Variants in NEB observed in about 807,000 individuals in gnomAD.
NEB encodes the protein nemaline myopathy type 2.
Under a neutral mutation model 952.2 loss-of-function variants are expected in NEB, and 512 were observed. The ratio of observed to expected loss-of-function variants is 0.54; its 90% confidence interval spans 0.50 to 0.58. The LOEUF (loss-of-function observed/expected upper bound fraction) is 0.58. Ranked by LOEUF, NEB falls within the 20% of genes least tolerant of loss-of-function variation. The pLI is 0.00. For synonymous variants in NEB, 2,900 were observed against 3,149.8 expected (o/e 0.92, Z 2.66); for missense variants, 8,428 against 9,231.1 (o/e 0.91, Z 3.56).
In NEB at chr2:151,655,369, T is replaced by C. The variant is rs2099076283; in HGVS notation, c.6708A>G (p.Leu2236=). ...TATCTTTATTCCAATCAATGGTGTA[T>C]AAATGCTAGGAAGTGGGAAAAAAAG... is the stretch of plus-strand genomic sequence containing the variant. ...KQNAHTMNKH[L]YTIDWNKDKT... The change falls in exon 51 of 182, where the codon TTA becomes TTG. Residue 2236 remains leucine, a synonymous_variant. Transcript: ENST00000397345. The C allele has an allele frequency of 1.9e-6, 3 of 1,555,440 alleles. 1 individual carries two copies.
At chr2:151,655,412 C>T in intron 50 of NEB, 38 bp from the exon 51 acceptor site, 1 of 1,227,804 alleles carries the variant, frequency 8.1e-7, no homozygotes, top group Middle Eastern at 1.9e-4. Flanking sequence ...ATTTGAATAA[C>T]TGGGACAAGC....
At chr2:151,491,417 A>C in intron 179 of NEB, 1 of 335,338 alleles carries the variant, frequency 3.0e-6, no homozygotes, top group East Asian at 6.2e-5. Flanking sequence ...CAATAGAATT[A>C]CTACTGTTTT....
chr2:151,544,460 G>A (rs2094463617), intron 135 of NEB, among the ~76,000 whole-genome samples: 1 of 152,130 alleles, frequency 6.6e-6, no homozygotes, highest in African/African-American at 2.4e-5. Flanking sequence ...GAATCAGTCT[G>A]GTGTGGAACA....
intron 10 of NEB, 62 bp downstream of exon 10, chr2:151,717,354 G>T: frequency 1.7e-6 from 2 of 1,158,928 alleles, no homozygotes; most frequent in Non-Finnish European, 2.6e-6. Context: ...AACCCTCTCT[G>T]ATGGTTGAAA....
In NEB at chr2:151,658,090, T is replaced by G. The variant is rs1338846666; in HGVS notation, c.6076A>C (p.Lys2026Gln). The G allele has an allele frequency of 4.4e-6, 7 of 1,580,192 alleles. No individual in the cohort carries two copies. Among genetic ancestry groups the G allele is most frequent in the Non-Finnish European group, 5.2e-6 (6 of 1,154,154 alleles). The change falls in exon 48 of 182, where the codon AAA becomes CAA. Residue 2026 changes from lysine to glutamine, a missense_variant and splice_region_variant. By Grantham distance (53) the Lys-to-Gln change is moderately conservative. Around this residue, in one of 11 missense-constraint regions of NEB, gnomAD observed 2,851 missense variants for 2,791.5 expected, o/e 1.02. Coordinates refer to ENST00000397345, the MANE Select transcript of NEB (RefSeq NM_001164508.2). ...AKANAINMSD[K>Q]LYKLSLEESK... ...TCTTCCAAGGAAAGTTTGTAGAGTT[T>G]CTGTAAAGAGAGGCAAAGGGAAGAG...
At chr2:151,578,404 T>TG (rs1322405708) in intron 105 of NEB, among the ~76,000 whole-genome samples, 2 of 151,226 alleles carry the variant, frequency 1.3e-5, no homozygotes, top group African/African-American at 4.8e-5. Context: ...TTTAAGAAAC[T>TG]GCCCCAGCAC....
At position 151,666,094 on chromosome 2, in the gene NEB, C is replaced by G. The variant is rs1444664935; in HGVS notation, c.5027G>C (p.Ser1676Thr). Reference sequence around the variant, plus strand: ...AACTTGGTAACCAGTACATACATCACTCTGAATCTGCATGGCATTCCTGGA... The same window carrying G: ...AACTTGGTAACCAGTACATACATCAGTCTGAATCTGCATGGCATTCCTGGA... The part of the protein sequence containing the change: ...EHSRNAMQIQ[S>T]DNLYKSDFTN... The change falls in exon 41 of 182, where the codon AGT (serine) becomes ACT (threonine). Residue 1676 changes from serine to threonine, a missense_variant. This residue lies in a region of NEB where 2,851 missense variants were observed against 2,791.5 expected (regional missense o/e 1.02). Transcript: ENST00000397345. The G allele has an allele frequency of 6.2e-7, 1 of 1,611,416 alleles. No individual in the cohort carries two copies. Among genetic ancestry groups the G allele is most frequent in the African/African-American group, 1.3e-5 (1 of 74,876 alleles).
intron 71 of NEB, among the ~76,000 whole-genome samples, chr2:151,624,033 GTTTGT>G (rs1458321211): frequency 6.6e-6 from 1 of 152,140 alleles, no homozygotes; most frequent in African/African-American, 2.4e-5. Context: ...AAACAGATGT[GTTTGT>G]TTTGTTTTAC....
intron 71 of NEB, among the ~76,000 whole-genome samples, chr2:151,625,239 G>A (rs1011004774): frequency 2.0e-5 from 3 of 152,106 alleles, no homozygotes; most frequent in African/African-American, 4.8e-5. Context: ...TGAATAGCAA[G>A]AATTATTTTT....
At chr2:151,713,676 G>A (rs1412177673) in intron 10 of NEB, among the ~76,000 whole-genome samples, 1 of 152,114 alleles carries the variant, frequency 6.6e-6, no homozygotes, top group Admixed American at 6.5e-5. Flanking sequence ...TCGCATTCAG[G>A]GCCCCACTTT....
chr2:151,691,954 T>C lies in NEB; in HGVS notation c.2121A>G (p.Ala707=), dbSNP rs775069171. 1 of 1,611,698 alleles carries C rather than the reference T, an allele frequency of 6.2e-7. No homozygotes were observed. The highest frequency in any genetic ancestry group is 1.1e-5 in the South Asian group (1 of 90,810). The stretch of plus-strand genomic sequence containing the variant: ...ATTTTCCTTTATCTTCTTCATATTC[T>C]GCTTTGTAACTTTTCTATAATGAGA... The part of the protein sequence containing the change: ...AAQNSDKSYK[A]EYEEDKGKCY... The change falls in exon 23 of 182, where the codon GCA becomes GCG. Residue 707 remains alanine (A), a synonymous_variant. Transcript: ENST00000397345.
At chr2:151,637,333 G>A (rs1378972888) in intron 63 of NEB, among the ~76,000 whole-genome samples, 1 of 152,176 alleles carries the variant, frequency 6.6e-6, no homozygotes, top group Non-Finnish European at 1.5e-5. Context: ...CGTGAATCAA[G>A]GCACCACTGT....
At chr2:151,523,610 T>G (rs182011733) in intron 153 of NEB, among the ~76,000 whole-genome samples, 1 of 152,362 alleles carries the variant, frequency 6.6e-6, no homozygotes, top group African/African-American at 2.4e-5. Context: ...AGCTAAAGTC[T>G]GAAAACCTGT....
Position 151,569,344 on chromosome 2 carries a change from A to G in NEB, c.17459T>C (p.Leu5820Ser). The G allele has an allele frequency of 1.9e-6, 3 of 1,613,930 alleles. No homozygotes were observed. The highest frequency in any genetic ancestry group is 2.5e-6 in the Non-Finnish European group (3 of 1,179,820). ...ATTTGGCATCCACCCAATTCCACGC[A>G]ACCATTCCAAGTCAGCCTTGTAAAC... ...DNVYKADLEW[L>S]RGIGWMPNDS... The change falls in exon 110 of 182, where the codon TTG becomes TCG. Residue 5820 changes from leucine to serine, a missense_variant. This residue lies in a region of NEB where 3,374 missense variants were observed against 3,651.5 expected (regional missense o/e 0.92). Transcript: ENST00000397345.
intron 181 of NEB, among the ~76,000 whole-genome samples, chr2:151,489,207 A>G (rs74886039): frequency 2.6e-5 from 4 of 152,222 alleles, no homozygotes; most frequent in Non-Finnish European, 1.5e-5. Flanking sequence ...TTGTCTTCAT[A>G]CAAAGATTGT....
chr2:151,625,762 A>AT, intron 70 of NEB, 124 bp from the exon 71 acceptor site: 1 of 534,374 alleles, frequency 1.9e-6, no homozygotes, highest in Non-Finnish European at 3.2e-6. Context: ...GTATGTTAAT[A>AT]TTCTTTTCAA....
chr2:151,511,039 GA>G (rs1325311781), intron 161 of NEB, among the ~76,000 whole-genome samples: 1 of 152,200 alleles, frequency 6.6e-6, no homozygotes, highest in African/African-American at 2.4e-5. Context: ...AGGCCTTGAG[GA>G]ACCAGCCAAA....
chr2:151,569,767 G>C (rs1045070047), intron 109 of NEB, among the ~76,000 whole-genome samples: 1 of 152,116 alleles, frequency 6.6e-6, no homozygotes, highest in Non-Finnish European at 1.5e-5. Flanking sequence ...CCTACATCCT[G>C]TCCATGGGCT....
In NEB at chr2:151,620,347, G is replaced by GTATATATATATATATA. The variant is rs71000481; in HGVS notation, c.10560+556_10560+571dup. Among the ~76,000 whole-genome samples, 7 of 48,458 alleles carry GTATATATATATATATA rather than the reference G, an allele frequency of 1.4e-4. 1 individual carries two copies. Among genetic ancestry groups the GTATATATATATATATA allele is most frequent in the African/African-American group, 2.3e-4 (3 of 12,876 alleles). The allele number at this position is 48,458 out of a possible 152,430, so 31.8% of individuals were successfully genotyped here. On this transcript the variant is annotated intron_variant, in intron 72 of 181. Coordinates refer to ENST00000397345, the MANE Select transcript of NEB (RefSeq NM_001164508.2). ...TTATTATATATATATGTATGTGTGT[G>GTATATATATATATATA]TATATATATATATATATATATATAT...
Sources: gnomAD v4.1 joint callset for allele counts (sites outside exome capture counted in the v4.1 genomes callset) on GRCh38, gnomAD v4.1.1 for gene constraint, gnomAD v4.1.1 regional missense constraint, MANE v1.5 for transcripts, NCBI Gene and HGNC (gene_info 2026-07-23, HGNC 2026-07-21) for gene names.